The following RAPGEF5 variants were observed in gnomAD, a reference collection of about 807,000 sequenced individuals.
RAPGEF5 encodes the protein Rap guanine nucleotide exchange factor 5, also known as M-Ras-regulated GEF.
A neutral mutation model predicts 125.2 loss-of-function variants in RAPGEF5; 65 were observed. The observed-to-expected ratio is 0.52, with a 90% CI of 0.43 to 0.64. The LOEUF is 0.64. Among genes scored for constraint, RAPGEF5 ranks in the 30% least tolerant of loss-of-function variants. RAPGEF5 has a pLI of 0.00. For missense variants in RAPGEF5, 958 were observed against 1,048.1 expected, an observed-to-expected ratio of 0.91 and a Z score of 1.19; for synonymous variants, 391 against 385.9, an observed-to-expected ratio of 1.01 and a Z score of -0.16.
chr7:22,211,001 T>C (rs976296113), intron 9 of RAPGEF5, among the ~76,000 whole-genome samples: 2 of 152,160 alleles, frequency 1.3e-5, no homozygotes, highest in Admixed American at 1.3e-4. Flanking sequence ...AAGAACTTGG[T>C]CATGTTATAA....
At chr7:22,144,929 C>A in intron 20 of RAPGEF5, 115 bp downstream of exon 20, 1 of 1,199,020 alleles carries the variant, frequency 8.3e-7, no homozygotes. Flanking sequence ...AGTCATTTAA[C>A]TCCATATTAC....
At chr7:22,168,413 A>C (rs1422801143) in intron 11 of RAPGEF5, among the ~76,000 whole-genome samples, 1 of 152,240 alleles carries the variant, frequency 6.6e-6, no homozygotes, top group Non-Finnish European at 1.5e-5. Context: ...CCAGGCTGTG[A>C]GAAATAAATG....
At chr7:22,268,996 C>T (rs150283766) in intron 6 of RAPGEF5, among the ~76,000 whole-genome samples, 82 of 152,080 alleles carry the variant, frequency 5.4e-4, no homozygotes, top group Middle Eastern at 3.4e-3. Flanking sequence ...GTGAGAAAGG[C>T]ATGAAGAACT....
intron 8 of RAPGEF5, among the ~76,000 whole-genome samples, chr7:22,221,013 G>A (rs889951542): frequency 6.6e-6 from 1 of 152,188 alleles, no homozygotes; most frequent in Admixed American, 6.5e-5. Flanking sequence ...CAGAGAAATG[G>A]AACTATCCAT....
At chr7:22,350,028 T>C (rs1384813019) in intron 1 of RAPGEF5, among the ~76,000 whole-genome samples, 1 of 152,246 alleles carries the variant, frequency 6.6e-6, no homozygotes, top group Non-Finnish European at 1.5e-5. Flanking sequence ...CACAACAAAT[T>C]AAGTCATTGA....
chr7:22,279,564 C>T (rs1177949994), intron 6 of RAPGEF5, among the ~76,000 whole-genome samples: 3 of 152,084 alleles, frequency 2.0e-5, no homozygotes, highest in African/African-American at 4.8e-5. Context: ...CTCAGACCTC[C>T]GAAAGATAGA....
chr7:22,245,228 T>C (rs193206493), intron 7 of RAPGEF5, among the ~76,000 whole-genome samples: 119 of 152,362 alleles, frequency 7.8e-4, no homozygotes, highest in Non-Finnish European at 1.9e-4. Flanking sequence ...ATCAAATGTG[T>C]GGTTTATAAA....
At chr7:22,332,820 T>C (rs1783947944) in intron 1 of RAPGEF5, among the ~76,000 whole-genome samples, 1 of 152,226 alleles carries the variant, frequency 6.6e-6, no homozygotes, top group African/African-American at 2.4e-5. Context: ...ACCTTCTCTC[T>C]GGCTTTCTTA....
intron 14 of RAPGEF5, 47 bp downstream of exon 14, chr7:22,160,471 C>T: frequency 2.7e-6 from 4 of 1,505,384 alleles, no homozygotes; most frequent in Non-Finnish European, 3.6e-6. Flanking sequence ...ATCATATTTG[C>T]TGCTGTTTTC....
intron 8 of RAPGEF5, among the ~76,000 whole-genome samples, chr7:22,221,081 T>A (rs1785776137): frequency 6.6e-6 from 1 of 152,156 alleles, no homozygotes; most frequent in Non-Finnish European, 1.5e-5. Flanking sequence ...TATCTAGCAG[T>A]TTGTCGAACT....
intron 1 of RAPGEF5, among the ~76,000 whole-genome samples, chr7:22,322,051 C>T (rs1425637249): frequency 2.0e-5 from 3 of 152,142 alleles, no homozygotes; most frequent in Non-Finnish European, 4.4e-5. Flanking sequence ...TCTATGATAA[C>T]ATGCTGCACA....
At chr7:22,162,092 T>C (rs1168187438) in intron 13 of RAPGEF5, among the ~76,000 whole-genome samples, 1 of 152,224 alleles carries the variant, frequency 6.6e-6, no homozygotes, top group Non-Finnish European at 1.5e-5. Context: ...TATGCAAATA[T>C]TACATATAGA....
intron 7 of RAPGEF5, among the ~76,000 whole-genome samples, chr7:22,244,736 A>G (rs987531742): frequency 1.3e-5 from 2 of 152,198 alleles, no homozygotes; most frequent in Non-Finnish European, 2.9e-5. Flanking sequence ...ACTGTCTCCC[A>G]TGAAACAGGT....
Position 22,230,912 on chromosome 7 carries a change from T to C in RAPGEF5, c.804A>G (p.Glu268=). The part of the protein sequence containing the change: ...IALKARKSAI[E]QDEENNDKHV... ...GTTTGTCGTTGTTTTCTTCATCTTG[T>C]TCAATTGCTTAAAAAAAAGAACACC... The change falls in exon 8 of 26, where the codon GAA becomes GAG. Residue 268 remains glutamate, a synonymous_variant. Transcript: ENST00000665637. The C allele has an allele frequency of 1.9e-6, 3 of 1,558,564 alleles. No individual in the cohort carries two copies. The highest frequency in any genetic ancestry group is 1.2e-5 in the South Asian group (1 of 84,696).
chr7:22,254,803 C>T (rs896748782), intron 7 of RAPGEF5, among the ~76,000 whole-genome samples: 5 of 151,960 alleles, frequency 3.3e-5, no homozygotes, highest in East Asian at 1.9e-4. Context: ...ATAAGGAGCA[C>T]GCAACCTAGA....
chr7:22,295,899 C>T (rs1783049548), intron 5 of RAPGEF5, among the ~76,000 whole-genome samples: 1 of 152,052 alleles, frequency 6.6e-6, no homozygotes, highest in Admixed American at 6.6e-5. Context: ...TGAACTTAAG[C>T]TCTCTGGCCA....
At chr7:22,224,366 C>G (rs62448775) in intron 8 of RAPGEF5, among the ~76,000 whole-genome samples, 24,803 of 152,136 alleles carry the variant, frequency 0.16, 2,126 homozygotes, top group Admixed American at 0.2. Context: ...TTTCTACTTA[C>G]AAATAAACAT....
At chr7:22,182,457 A>G (rs1449279754) in intron 11 of RAPGEF5, among the ~76,000 whole-genome samples, 1 of 152,204 alleles carries the variant, frequency 6.6e-6, no homozygotes, top group African/African-American at 2.4e-5. Flanking sequence ...GTTCCCTTCA[A>G]TTTGCTACTC....
chr7:22,175,444 C>G (rs369136235), intron 11 of RAPGEF5, among the ~76,000 whole-genome samples: 1 of 152,194 alleles, frequency 6.6e-6, no homozygotes, highest in Non-Finnish European at 1.5e-5. Context: ...CAGTTGCTCT[C>G]ACAAGGAGCT....
Sources: allele counts gnomAD v4.1 joint callset (sites outside exome capture counted in the v4.1 genomes callset), GRCh38; gene constraint gnomAD v4.1.1; transcripts MANE v1.5; gene names NCBI Gene and HGNC (gene_info 2026-07-23, HGNC 2026-07-21).